The following STRBP variants were observed in gnomAD, a reference collection of about 807,000 sequenced individuals.
The protein encoded by STRBP is spermatid perinuclear RNA-binding protein.
Under a neutral mutation model 80.1 loss-of-function variants are expected in STRBP, and 13 were observed. The observed-to-expected ratio is 0.16, with a 90% CI of 0.11 to 0.26. STRBP has a LOEUF of 0.26. STRBP is among the 10% of genes least tolerant of loss of function. The pLI, the probability that STRBP is intolerant of heterozygous loss-of-function variation, is 1.00. For missense variants in STRBP, 485 were observed against 815.2 expected (o/e 0.59, Z 4.93); for synonymous variants, 284 against 291.2 (o/e 0.98, Z 0.25).
At chr9:123,252,031 T>A (rs1357812689) in intron 1 of STRBP, among the ~76,000 whole-genome samples, 2 of 151,764 alleles carry the variant, frequency 1.3e-5, no homozygotes, top group Non-Finnish European at 2.9e-5. Flanking sequence ...ACCATCTATT[T>A]TTTTTTTTTT....
At chr9:123,243,628 T>C (rs1395569047) in intron 1 of STRBP, among the ~76,000 whole-genome samples, 1 of 144,962 alleles carries the variant, frequency 6.9e-6, no homozygotes, top group Non-Finnish European at 1.5e-5. Flanking sequence ...TTAAAACAAA[T>C]AAAAATTAAA....
chr9:123,193,677 A>G lies in STRBP; in HGVS notation c.-164-9379T>C, dbSNP rs571091768. Reference sequence around the variant, plus strand: ...ACAAACACGCCCCACCGGGACCTACAATCGCTAATGCTACCACTTTTCACA... The same window carrying G: ...ACAAACACGCCCCACCGGGACCTACGATCGCTAATGCTACCACTTTTCACA... On this transcript the variant is annotated intron_variant, in intron 2 of 18. Coordinates refer to ENST00000348403, the MANE Select transcript of STRBP (RefSeq NM_018387.5). Among the ~76,000 whole-genome samples the G allele has an allele frequency of 2.0e-5, 3 of 152,122 alleles. No individual in the cohort carries two copies. The South Asian group carries it at 6.3e-4, about 32-fold the overall frequency.
At chr9:123,155,997 A>G (rs570147058) in intron 11 of STRBP, among the ~76,000 whole-genome samples, 1 of 152,184 alleles carries the variant, frequency 6.6e-6, no homozygotes, top group African/African-American at 2.4e-5. Context: ...GAACAGGAAC[A>G]CTGGCAGTCT....
In STRBP at chr9:123,125,410, CT is replaced by C. The variant is rs11399013; in HGVS notation, c.*186del. The C allele has an allele frequency of 0.021, 18,587 of 903,596 alleles. 6 individuals are homozygous for C. The highest frequency in any genetic ancestry group is 0.029 in the Middle Eastern group (70 of 2,388). 56.0% of individuals were successfully genotyped at this position (903,596 alleles called of 1,614,324 possible). A position where few individuals can be genotyped will look rare whatever the true frequency, so the allele number is the denominator to read the frequency against. ...GGTACCGTTTTCACAGAACTGGTTTCTTTTTTTTTTTTCAAGTTTTAGAGAA... is the reference window on the plus strand; with the variant it reads ...GGTACCGTTTTCACAGAACTGGTTTCTTTTTTTTTTTCAAGTTTTAGAGAA... On this transcript the variant is annotated 3_prime_UTR_variant, in exon 19 of 19. Transcript: ENST00000348403.
At chr9:123,201,257 TCTAG>T (rs1039908484) in intron 2 of STRBP, among the ~76,000 whole-genome samples, 1 of 152,160 alleles carries the variant, frequency 6.6e-6, no homozygotes, top group Non-Finnish European at 1.5e-5. Context: ...TACTTCTTCT[TCTAG>T]CTTTTTGTTC....
At chr9:123,219,522 A>C (rs1275895830) in intron 2 of STRBP, among the ~76,000 whole-genome samples, 3 of 152,244 alleles carry the variant, frequency 2.0e-5, no homozygotes, top group African/African-American at 7.2e-5. Flanking sequence ...GCTTTTCTCC[A>C]AACTATAAAT....
chr9:123,123,211 C>T lies in STRBP; in HGVS notation c.*2386G>A, dbSNP rs3802486. 3 of 985,358 alleles carry T rather than the reference C, an allele frequency of 3.0e-6. No individual in the cohort carries two copies. In the East Asian group the frequency reaches 3.4e-4, roughly 112 times the overall value. 61.0% of individuals were successfully genotyped at this position (985,358 alleles called of 1,614,324 possible). On this transcript the variant is annotated 3_prime_UTR_variant, in exon 19 of 19. Transcript: ENST00000348403. ...CAATAGGGGCTGTCAATGAAAAAAC[C>T]ACCTACAGTGGAGAAAAGAGCAGAG...
chr9:123,236,491 T>C (rs1370659184), intron 2 of STRBP, among the ~76,000 whole-genome samples: 1 of 152,190 alleles, frequency 6.6e-6, no homozygotes, highest in Admixed American at 6.5e-5. Flanking sequence ...ATACAAGTTC[T>C]TAACGTACTT....
At chr9:123,147,445 G>T (rs1197838198) in intron 12 of STRBP, among the ~76,000 whole-genome samples, 1 of 152,020 alleles carries the variant, frequency 6.6e-6, no homozygotes, top group Non-Finnish European at 1.5e-5. Context: ...AGAGGCCAAG[G>T]GGGGTGAATT....
In STRBP at chr9:123,126,068, T is replaced by C. The variant is rs774261692; in HGVS notation, c.1943-395A>G. Among the ~76,000 whole-genome samples, 5 of 152,232 alleles carry C rather than the reference T, an allele frequency of 3.3e-5. No homozygotes were observed. Among genetic ancestry groups the C allele is most frequent in the Non-Finnish European group, 5.9e-5 (4 of 68,030 alleles). Reference sequence around the variant, plus strand: ...TCAAGGTTCAAAGCATAGCTTTCCATGCAGACCTCAGCTCCAGCTGGAGCC... The same window carrying C: ...TCAAGGTTCAAAGCATAGCTTTCCACGCAGACCTCAGCTCCAGCTGGAGCC... On this transcript the variant is annotated intron_variant, in intron 18 of 18. Coordinates refer to ENST00000348403, the MANE Select transcript of STRBP (RefSeq NM_018387.5). This position sits in a 1 kb window ranked among gnomAD's most constrained non-coding sequence, Gnocchi z 4.4.
At position 123,179,102 on chromosome 9, in the gene STRBP, T is replaced by C. The variant is rs1186435908; in HGVS notation, c.129A>G (p.Lys43=). ...TTTCATCCAACCAATCTGAGACATG[T>C]TTAAGAGCACATTCAACAGTAGATA... ...NMVSTVECAL[K]HVSDWLDETN... Residue 43 remains lysine (K), a synonymous_variant, in exon 4 of 19, where the codon AAA becomes AAG. Transcript: ENST00000348403. The C allele has an allele frequency of 1.9e-6, 3 of 1,614,038 alleles. No homozygotes were observed. In the Admixed American group the frequency reaches 5.0e-5, roughly 27 times the overall value.
chr9:123,139,431 G>A, intron 14 of STRBP, 98 bp downstream of exon 14: 3 of 970,704 alleles, frequency 3.1e-6, no homozygotes, highest in Non-Finnish European at 4.3e-6. Flanking sequence ...GTACAGGTTT[G>A]CATATGCTTT....
intron 3 of STRBP, among the ~76,000 whole-genome samples, chr9:123,182,269 G>C (rs16926230): frequency 1.4e-5 from 1 of 71,948 alleles, no homozygotes. Flanking sequence ...TAAATCAGAA[G>C]AACCATGCAG....
rs1177109771 is a variant in STRBP at position 123,115,817 on chromosome 9, T to C, written c.*84+112A>G. ...CCTCAGCTGCTCTCTCAAGGCTGCG[T>C]CTGTCATCGCGGGAGGTGTATTTTA... On this transcript the variant is annotated intron_variant and NMD_transcript_variant, in intron 3 of 3. Transcript: ENST00000471564. This position sits in a 1 kb window ranked among gnomAD's most constrained non-coding sequence, Gnocchi z 5.0. The C allele has an allele frequency of 5.7e-6, 2 of 351,778 alleles. No individual in the cohort carries two copies. The highest frequency in any genetic ancestry group is 4.3e-5 in the African/African-American group (2 of 46,706). The allele number at this position is 351,778 out of a possible 1,614,324, so 21.8% of individuals were successfully genotyped here. A position where few individuals can be genotyped will look rare whatever the true frequency, so the allele number is the denominator to read the frequency against.
chr9:123,141,245 G>A (rs185174630), intron 13 of STRBP, among the ~76,000 whole-genome samples: 2 of 152,122 alleles, frequency 1.3e-5, no homozygotes, highest in African/African-American at 4.8e-5. Context: ...CTACATAGAA[G>A]TCTGTACCAA....
intron 2 of STRBP, among the ~76,000 whole-genome samples, chr9:123,228,727 C>T (rs1160064278): frequency 1.3e-5 from 2 of 152,132 alleles, no homozygotes; most frequent in Non-Finnish European, 2.9e-5. Flanking sequence ...GAAACTTGAA[C>T]TCTGGTGGAA....
At position 123,125,464 on chromosome 9, in the gene STRBP, A is replaced by G. The variant is rs1228344831; in HGVS notation, c.*133T>C. On this transcript the variant is annotated 3_prime_UTR_variant, in exon 19 of 19. Coordinates refer to ENST00000348403, the MANE Select transcript of STRBP (RefSeq NM_018387.5). ...AAATTTGCATTTGTTAAAATCAAAA[A>G]GTAGGAAAGATGTTCTTTACAAATA... The G allele has an allele frequency of 6.2e-6, 8 of 1,283,054 alleles. No individual in the cohort carries two copies. 79.5% of individuals were successfully genotyped at this position (1,283,054 alleles called of 1,614,324 possible). A position where few individuals can be genotyped will look rare whatever the true frequency, so the allele number is the denominator to read the frequency against.
intron 11 of STRBP, among the ~76,000 whole-genome samples, chr9:123,156,838 A>C (rs908112848): frequency 2.6e-5 from 4 of 152,086 alleles, no homozygotes; most frequent in African/African-American, 9.7e-5. Context: ...AGTAATTTCC[A>C]TTGTTAGAGG....
At chr9:123,190,769 G>A (rs1430807093) in intron 2 of STRBP, among the ~76,000 whole-genome samples, 1 of 152,212 alleles carries the variant, frequency 6.6e-6, no homozygotes, top group African/African-American at 2.4e-5. Flanking sequence ...TTTACTGTCA[G>A]TGAGCAAAAT....
Sources: gnomAD v4.1 joint callset for allele counts (sites outside exome capture counted in the v4.1 genomes callset) on GRCh38, gnomAD v4.1.1 for gene constraint, Gnocchi (gnomAD v3.1) non-coding constraint, MANE v1.5 for transcripts, NCBI Gene and HGNC (gene_info 2026-07-23, HGNC 2026-07-21) for gene names.